Variants in DAB2IP observed in about 807,000 individuals in gnomAD.
DAB2IP encodes DAB2 interacting protein.
In DAB2IP, 28 loss-of-function variants were observed where a neutral mutation model predicts 107.2. The observed-to-expected ratio is 0.26, with a 90% CI of 0.19 to 0.36. The LOEUF is 0.36. Ranked by LOEUF, DAB2IP falls within the 10% of genes least tolerant of loss-of-function variation. The pLI is 1.00. For synonymous variants in DAB2IP, 755 were observed against 706.4 expected, an observed-to-expected ratio of 1.07 and a Z score of -1.09; for missense variants, 1,400 against 1,644.7, an observed-to-expected ratio of 0.85 and a Z score of 2.57.
At position 121,760,499 on chromosome 9, in the gene DAB2IP, C is replaced by G; in HGVS notation, c.1170+60C>G. ...GGGCGGCAGCACTGGGTTACCTGCC[C>G]TTCCTCACATCCGTACATTTCAGGC... is the stretch of plus-strand genomic sequence containing the variant. On this transcript the variant is annotated intron_variant, in intron 6 of 15. Coordinates refer to ENST00000408936, the Ensembl canonical transcript of DAB2IP. The surrounding 1 kb of genome is among the most constrained non-coding windows in gnomAD (Gnocchi z 5.9). 1.3e-6 allele frequency: 2 copies of G among 1,492,508 alleles called. No individual in the cohort carries two copies. Among genetic ancestry groups the G allele is most frequent in the South Asian group, 2.7e-5 (2 of 74,232 alleles). 92.5% of individuals were successfully genotyped at this position (1,492,508 alleles called of 1,614,324 possible).
At chr9:121,754,653 A>C (rs1833351764) in intron 3 of DAB2IP, among the ~76,000 whole-genome samples, 1 of 152,140 alleles carries the variant, frequency 6.6e-6, no homozygotes, top group African/African-American at 2.4e-5. Context: ...CAGCCAGAGC[A>C]TGCTTGTGGG....
chr9:121,696,334 C>T (rs981029965), intron 2 of DAB2IP, among the ~76,000 whole-genome samples: 1 of 152,178 alleles, frequency 6.6e-6, no homozygotes, highest in Non-Finnish European at 1.5e-5. Context: ...ACTGCGGTCC[C>T]GGAAAGTGGG....
At chr9:121,775,805 T>C (rs1231981219) in intron 13 of DAB2IP, among the ~76,000 whole-genome samples, 1 of 152,198 alleles carries the variant, frequency 6.6e-6, no homozygotes, top group African/African-American at 2.4e-5. Context: ...TGGGCCTCAG[T>C]TTCCCCTCCT....
rs932003745 is a variant in DAB2IP at position 121,760,729 on chromosome 9, G to A, written c.1170+290G>A. On this transcript the variant is annotated intron_variant, in intron 6 of 15. Coordinates refer to ENST00000408936, the Ensembl canonical transcript of DAB2IP. The surrounding 1 kb of genome is among the most constrained non-coding windows in gnomAD (Gnocchi z 5.9). ...CCTTCCACCACTGCTGCAGAGGACC[G>A]ACCCCCTGAGGCGCCAGGGGAACAG... 2.0e-5 allele frequency among the ~76,000 whole-genome samples: 3 copies of A among 152,076 alleles called. No homozygotes were observed. The highest frequency in any genetic ancestry group is 7.2e-5 in the African/African-American group (3 of 41,404).
intron 14 of DAB2IP, among the ~76,000 whole-genome samples, chr9:121,779,866 T>C (rs977107781): frequency 1.3e-5 from 2 of 152,252 alleles, no homozygotes; most frequent in Non-Finnish European, 2.9e-5. Context: ...CTCTGGCTTC[T>C]GCCCTGCAAA....
chr9:121,672,691 T>G (rs1833731207), intron 1 of DAB2IP, among the ~76,000 whole-genome samples: 1 of 152,102 alleles, frequency 6.6e-6, no homozygotes, highest in Non-Finnish European at 1.5e-5. Flanking sequence ...AGTCATGCAA[T>G]GAGTTTGAGC....
chr9:121,722,978 G>C (rs1262233891), intron 3 of DAB2IP, among the ~76,000 whole-genome samples: 1 of 152,164 alleles, frequency 6.6e-6, no homozygotes, highest in Non-Finnish European at 1.5e-5. Context: ...TTTTTCTGTG[G>C]CCAATGAAAT....
In DAB2IP at chr9:121,635,779, C is replaced by A. The variant is rs1460177358; in HGVS notation, c.41-42899C>A. 6.6e-6 allele frequency among the ~76,000 whole-genome samples: 1 copy of A among 152,042 alleles called. No homozygotes were observed. Among genetic ancestry groups the A allele is most frequent in the Non-Finnish European group, 1.5e-5 (1 of 68,010 alleles). ...GTTTTGGCCCAGCCCCACGCAGAGC[C>A]TTAAAGACGCAGCCATGGGCATCCC... On this transcript the variant is annotated intron_variant, in intron 1 of 16. Transcript: ENST00000259371. The surrounding 1 kb of genome is among the most constrained non-coding windows in gnomAD (Gnocchi z 4.3).
At chr9:121,706,077 C>T (rs767676549) in intron 3 of DAB2IP, among the ~76,000 whole-genome samples, 5 of 152,214 alleles carry the variant, frequency 3.3e-5, no homozygotes, top group African/African-American at 4.8e-5. Flanking sequence ...TGCCAGTCCG[C>T]TCCCTTGTGA....
chr9:121,593,597 ACTTTCTTT>A (rs375746544), intron 1 of DAB2IP, among the ~76,000 whole-genome samples: 6 of 146,044 alleles, frequency 4.1e-5, no homozygotes, highest in South Asian at 2.1e-4. Flanking sequence ...TCAGCCTCCC[ACTTTCTTT>A]CTTTCTTTCT....
At chr9:121,741,456 C>G (rs113690690) in intron 3 of DAB2IP, among the ~76,000 whole-genome samples, 1 of 152,154 alleles carries the variant, frequency 6.6e-6, no homozygotes, top group Non-Finnish European at 1.5e-5. Flanking sequence ...GCTCTCGCTT[C>G]CCTCCTGCTC....
At chr9:121,584,522 G>T (rs141609467) in intron 1 of DAB2IP, among the ~76,000 whole-genome samples, 93 of 152,298 alleles carry the variant, frequency 6.1e-4, no homozygotes, top group African/African-American at 2.1e-3. Flanking sequence ...GGGACAAACA[G>T]GTTTCATCCC....
At chr9:121,680,071 A>G (rs1352289088) in intron 2 of DAB2IP, among the ~76,000 whole-genome samples, 3 of 152,170 alleles carry the variant, frequency 2.0e-5, no homozygotes, top group African/African-American at 7.2e-5. Flanking sequence ...TAGTGTCAGC[A>G]TGAGAATGTG....
chr9:121,674,151 C>A (rs1406406947), intron 1 of DAB2IP, among the ~76,000 whole-genome samples: 1 of 152,178 alleles, frequency 6.6e-6, no homozygotes, highest in African/African-American at 2.4e-5. Context: ...ATAGGGTCAT[C>A]CCGATGGTGG....
chr9:121,638,400 T>A (rs1832161881), intron 1 of DAB2IP, among the ~76,000 whole-genome samples: 1 of 152,122 alleles, frequency 6.6e-6, no homozygotes, highest in Non-Finnish European at 1.5e-5. Context: ...GTATCCTGGA[T>A]CCAATACCCC....
At chr9:121,645,637 C>T (rs1479983910) in intron 1 of DAB2IP, among the ~76,000 whole-genome samples, 3 of 152,194 alleles carry the variant, frequency 2.0e-5, no homozygotes, top group African/African-American at 7.2e-5. Context: ...ACCAGACCCT[C>T]AGTGATTGCA....
chr9:121,647,679 G>T (rs374552581), upstream of DAB2IP, among the ~76,000 whole-genome samples: 1 of 152,092 alleles, frequency 6.6e-6, no homozygotes, highest in Non-Finnish European at 1.5e-5. Flanking sequence ...GCCAGGAGGG[G>T]GGTGTCTCTC....
intron 10 of DAB2IP, 63 bp downstream of exon 10, chr9:121,768,696 C>G: frequency 6.3e-7 from 1 of 1,593,194 alleles, no homozygotes; most frequent in Non-Finnish European, 8.5e-7. Flanking sequence ...AGTGTTCCCC[C>G]TTCCAGAGTA....
At chr9:121,679,621 C>T (rs968150349) in intron 2 of DAB2IP, among the ~76,000 whole-genome samples, 9 of 152,076 alleles carry the variant, frequency 5.9e-5, no homozygotes, top group Non-Finnish European at 8.8e-5. Flanking sequence ...TTCATCCATT[C>T]ATTCACTCAT....
Sources: gnomAD v4.1 joint callset for allele counts (sites outside exome capture counted in the v4.1 genomes callset) on GRCh38, gnomAD v4.1.1 for gene constraint, Gnocchi (gnomAD v3.1) non-coding constraint, MANE v1.5 for transcripts, NCBI Gene and HGNC (gene_info 2026-07-23, HGNC 2026-07-21) for gene names.